EAF2: variants seen among roughly 807,000 people sequenced by gnomAD.
EAF2 encodes the protein ELL associated factor 2.
Under a neutral mutation model 29.4 loss-of-function variants are expected in EAF2, and 29 were observed. The ratio of observed to expected loss-of-function variants is 0.99; its 90% CI spans 0.73 to 1.35. EAF2 has a LOEUF of 1.35. Ranked by LOEUF, EAF2 falls within the 40% of genes most tolerant of loss-of-function variation. The probability of loss-of-function intolerance (pLI) is 0.00; values close to 1 mark genes in which losing one functional copy is unlikely to be tolerated. For synonymous variants in EAF2, 103 were observed against 102.5 expected, an observed-to-expected ratio of 1.00 and a Z score of -0.03; for missense variants, 292 against 312.0, an observed-to-expected ratio of 0.94 and a Z score of 0.48.
intron 2 of EAF2, among the ~76,000 whole-genome samples, chr3:121,852,228 G>A (rs1179759764): frequency 2.6e-5 from 4 of 152,084 alleles, no homozygotes; most frequent in Non-Finnish European, 5.9e-5. Flanking sequence ...ATTTTTAGAT[G>A]TATTCCATTC....
chr3:121,878,991 T>C (rs1709147829), intron 5 of EAF2, among the ~76,000 whole-genome samples: 1 of 152,180 alleles, frequency 6.6e-6, no homozygotes, highest in Admixed American at 6.5e-5. Context: ...TGTACTAATT[T>C]ACATTCCCAC....
intron 4 of EAF2, among the ~76,000 whole-genome samples, chr3:121,863,874 ACT>A (rs1208772320): frequency 6.6e-6 from 1 of 151,268 alleles, no homozygotes; most frequent in African/African-American, 2.4e-5. Flanking sequence ...AAAAAAAATG[ACT>A]CTTTAGATAT....
At chr3:121,880,452 T>TGG (rs1386624765) in intron 5 of EAF2, among the ~76,000 whole-genome samples, 84 of 103,644 alleles carry the variant, frequency 8.1e-4, no homozygotes, top group Middle Eastern at 4.5e-3. Context: ...CTTAGTGTTT[T>TGG]GGGGTGTGTG....
chr3:121,851,836 G>A (rs1273734270), intron 2 of EAF2, among the ~76,000 whole-genome samples: 5 of 152,202 alleles, frequency 3.3e-5, no homozygotes, highest in Non-Finnish European at 7.3e-5. Flanking sequence ...GGAGCCGATA[G>A]GTGGTATTCA....
In EAF2 at chr3:121,886,089, G is replaced by A. The variant is rs530039614; in HGVS notation, c.737-253G>A. Among the ~76,000 whole-genome samples the A allele has an allele frequency of 3.3e-5, 5 of 152,122 alleles. No homozygotes were observed. The East Asian group carries it at 5.8e-4, about 18-fold the overall frequency. ...TTAAATCAGTGATATAAAAAAAAGA[G>A]TGATGGGGATATGTGAAAGAAGACT... On this transcript the variant is annotated intron_variant, in intron 5 of 5. Transcript: ENST00000273668.
intron 4 of EAF2, among the ~76,000 whole-genome samples, chr3:121,857,551 C>A (rs1230677967): frequency 6.6e-6 from 1 of 151,170 alleles, no homozygotes; most frequent in African/African-American, 2.4e-5. Flanking sequence ...AACAGTGGTA[C>A]TAATTATAAA....
At chr3:121,882,348 CA>C (rs56339909) in intron 5 of EAF2, among the ~76,000 whole-genome samples, 325 of 135,740 alleles carry the variant, frequency 2.4e-3, no homozygotes, top group Middle Eastern at 7.4e-3. Context: ...GACTCTGTCT[CA>C]AAAAAAAAAA....
intron 4 of EAF2, among the ~76,000 whole-genome samples, chr3:121,862,993 G>A (rs907149766): frequency 2.6e-5 from 4 of 152,180 alleles, no homozygotes; most frequent in South Asian, 2.1e-4. Flanking sequence ...TATCACCAGC[G>A]GAGGCTGCAG....
intron 1 of EAF2, 99 bp from the exon 2 acceptor site, chr3:121,844,354 G>T (rs1708484859): frequency 1.4e-6 from 1 of 722,004 alleles, no homozygotes; most frequent in Non-Finnish European, 2.3e-6. Context: ...TAATTACAAA[G>T]CTCTTGAAAA....
intron 5 of EAF2, among the ~76,000 whole-genome samples, chr3:121,884,655 G>A (rs891521673): frequency 2.0e-5 from 3 of 152,116 alleles, no homozygotes; most frequent in Non-Finnish European, 2.9e-5. Flanking sequence ...TCAATCTCTT[G>A]ACCTCATGAT....
intron 1 of EAF2, among the ~76,000 whole-genome samples, chr3:121,840,509 GA>G (rs869127997): frequency 5.2e-4 from 29 of 55,744 alleles, no homozygotes; most frequent in East Asian, 1.0e-3. Flanking sequence ...AAAAAAAAAA[GA>G]AAAAAAAAAA....
At position 121,835,230 on chromosome 3, in the gene EAF2, A is replaced by G. The variant is rs1340499306; in HGVS notation, c.-56A>G. 1.3e-6 allele frequency: 2 copies of G among 1,537,558 alleles called. No homozygotes were observed. The highest frequency in any genetic ancestry group is 1.8e-6 in the Non-Finnish European group (2 of 1,110,720). The stretch of plus-strand genomic sequence containing the variant: ...GATCAAGTGCAGCTGCTTCAGGCTG[A>G]GGTGGCAGATAGTGAGCGCTGGTGG... On this transcript the variant is annotated 5_prime_UTR_variant, in exon 1 of 6. Coordinates refer to ENST00000273668, the MANE Select transcript of EAF2 (RefSeq NM_018456.6).
intron 5 of EAF2, among the ~76,000 whole-genome samples, chr3:121,878,219 A>C (rs1360943599): frequency 6.6e-6 from 1 of 152,092 alleles, no homozygotes; most frequent in Non-Finnish European, 1.5e-5. Context: ...AAAAATCTCA[A>C]ATAGACAATA....
chr3:121,836,469 G>A (rs1406428433), intron 1 of EAF2, among the ~76,000 whole-genome samples: 1 of 152,166 alleles, frequency 6.6e-6, no homozygotes, highest in East Asian at 1.9e-4. Flanking sequence ...GTTACTCAAA[G>A]TAAAGGTATG....
Position 121,868,555 on chromosome 3 carries a change from G to A in EAF2, c.485-3982G>A, listed in dbSNP as rs9832170. 6.0e-3 allele frequency among the ~76,000 whole-genome samples: 910 copies of A among 152,238 alleles called. 9 individuals carry two copies. The highest frequency in any genetic ancestry group is 0.021 in the African/African-American group (858 of 41,536). On this transcript the variant is annotated intron_variant, in intron 4 of 5. Transcript: ENST00000273668. ...GGAGGTTGCAGTGAGCTGAGATCAC[G>A]CCACTGCACTGCAGCTTGGGTGACA... is the stretch of plus-strand genomic sequence containing the variant.
intron 5 of EAF2, among the ~76,000 whole-genome samples, chr3:121,880,296 C>T (rs1709171115): frequency 8.2e-6 from 1 of 121,734 alleles, no homozygotes; most frequent in Admixed American, 9.6e-5. Context: ...GTGTGCACCA[C>T]CATGCCAGCT....
At chr3:121,880,209 T>G (rs1709169613) in intron 5 of EAF2, among the ~76,000 whole-genome samples, 1 of 152,028 alleles carries the variant, frequency 6.6e-6, no homozygotes, top group African/African-American at 2.4e-5. Context: ...ATGGCATGAT[T>G]ACAGCTCACT....
chr3:121,859,726 A>G (rs1012017647), intron 4 of EAF2, among the ~76,000 whole-genome samples: 1 of 152,250 alleles, frequency 6.6e-6, no homozygotes, highest in East Asian at 1.9e-4. Context: ...GGAGTGGTGA[A>G]AGAGGGCATC....
chr3:121,857,283 G>A (rs1448121267), intron 4 of EAF2, 127 bp downstream of exon 4: 3 of 689,912 alleles, frequency 4.3e-6, no homozygotes, highest in Non-Finnish European at 7.0e-6. Context: ...CATGAGGTCA[G>A]TAGTTCAACA....
Sources: gnomAD v4.1 joint callset for allele counts (sites outside exome capture counted in the v4.1 genomes callset) on GRCh38, gnomAD v4.1.1 for gene constraint, MANE v1.5 for transcripts, NCBI Gene and HGNC (gene_info 2026-07-23, HGNC 2026-07-21) for gene names.